The following KLHL1 variants were observed in gnomAD, a reference collection of about 807,000 sequenced individuals.
KLHL1 encodes the protein kelch like family member 1.
Under a neutral mutation model 77.7 loss-of-function variants are expected in KLHL1, and 47 were observed. The observed-to-expected ratio is 0.60, with a 90% CI of 0.48 to 0.77. The LOEUF is 0.77. Ranked by LOEUF, KLHL1 falls within the 30% of genes least tolerant of loss-of-function variation. KLHL1 has a pLI of 0.00. For missense variants in KLHL1, 925 were observed against 910.8 expected, an observed-to-expected ratio of 1.02 and a Z score of -0.20; for synonymous variants, 360 against 325.2, an observed-to-expected ratio of 1.11 and a Z score of -1.15.
intron 2 of KLHL1, among the ~76,000 whole-genome samples, chr13:69,969,844 G>A (rs1884326232): frequency 6.6e-6 from 1 of 152,074 alleles, no homozygotes; most frequent in Non-Finnish European, 1.5e-5. Flanking sequence ...AGAACCTGGA[G>A]TAAAACATGC....
chr13:69,811,767 A>C (rs983957455), intron 6 of KLHL1, among the ~76,000 whole-genome samples: 5 of 152,126 alleles, frequency 3.3e-5, no homozygotes, highest in African/African-American at 1.2e-4. Context: ...ATCATTTTTT[A>C]TTGAGTCTAT....
At position 69,977,317 on chromosome 13, in the gene KLHL1, A is replaced by C. The variant is rs1259755754; in HGVS notation, c.498-1515T>G. Among the ~76,000 whole-genome samples the C allele has an allele frequency of 2.6e-5, 4 of 152,110 alleles. No homozygotes were observed. The East Asian group carries it at 7.7e-4, about 29-fold the overall frequency. ...CATTGGTCTTTTAATATAGATAATA[A>C]GCTGGATAATTTCAAGTCATATGAA... is the stretch of plus-strand genomic sequence containing the variant. On this transcript the variant is annotated intron_variant, in intron 1 of 10. Coordinates refer to ENST00000377844, the MANE Select transcript of KLHL1 (RefSeq NM_020866.3).
At chr13:69,716,372 T>C (rs1191472939) in intron 9 of KLHL1, among the ~76,000 whole-genome samples, 1 of 151,998 alleles carries the variant, frequency 6.6e-6, no homozygotes, top group Non-Finnish European at 1.5e-5. Context: ...AAAGCTATCT[T>C]GGGCAGTATC....
At chr13:69,995,118 A>G (rs1434872520) in intron 1 of KLHL1, among the ~76,000 whole-genome samples, 1 of 152,118 alleles carries the variant, frequency 6.6e-6, no homozygotes, top group African/African-American at 2.4e-5. Context: ...TCATTTGATT[A>G]TGCATTATTT....
chr13:69,857,738 A>G (rs1879977517), intron 5 of KLHL1, among the ~76,000 whole-genome samples: 1 of 152,012 alleles, frequency 6.6e-6, no homozygotes, highest in Non-Finnish European at 1.5e-5. Context: ...GTAGAAAAAT[A>G]GTTAATATAA....
chr13:70,029,802 G>A (rs1886048994), intron 1 of KLHL1, among the ~76,000 whole-genome samples: 1 of 152,140 alleles, frequency 6.6e-6, no homozygotes. Flanking sequence ...AAAAGACACA[G>A]ACTGGCAAAT....
At chr13:69,943,003 T>A (rs2138306133) in intron 3 of KLHL1, among the ~76,000 whole-genome samples, 1 of 152,284 alleles carries the variant, frequency 6.6e-6, no homozygotes, top group Admixed American at 6.5e-5. Context: ...TAAATTTATG[T>A]TGGTGAAGAA....
intron 1 of KLHL1, among the ~76,000 whole-genome samples, chr13:70,084,494 C>G (rs893276712): frequency 1.0e-4 from 12 of 116,188 alleles, no homozygotes; most frequent in African/African-American, 4.2e-4. Flanking sequence ...GAGTCTCGCT[C>G]TGTCCCCAGG....
chr13:69,959,653 C>T (rs1278833045), intron 3 of KLHL1, among the ~76,000 whole-genome samples: 1 of 119,464 alleles, frequency 8.4e-6, no homozygotes, highest in Non-Finnish European at 1.9e-5. Context: ...TTTTACAACC[C>T]GTAACTTTTT....
At chr13:70,021,478 T>C (rs1415476925) in intron 1 of KLHL1, among the ~76,000 whole-genome samples, 1 of 152,112 alleles carries the variant, frequency 6.6e-6, no homozygotes, top group Non-Finnish European at 1.5e-5. Context: ...AACATACCTA[T>C]GCTGGTTCTT....
chr13:69,782,298 G>A (rs576307097), intron 7 of KLHL1, among the ~76,000 whole-genome samples: 109 of 152,356 alleles, frequency 7.2e-4, no homozygotes, highest in Middle Eastern at 6.8e-3. Context: ...TCACTAGGGA[G>A]TGCCAGACAG....
At chr13:69,741,240 T>G (rs982267090) in intron 7 of KLHL1, among the ~76,000 whole-genome samples, 4 of 152,150 alleles carry the variant, frequency 2.6e-5, no homozygotes, top group Non-Finnish European at 4.4e-5. Flanking sequence ...TCTAGTAAAC[T>G]CACATCTTCA....
chr13:69,757,534 C>CCAAAAT (rs1874805759), intron 7 of KLHL1, among the ~76,000 whole-genome samples: 1 of 152,166 alleles, frequency 6.6e-6, no homozygotes, highest in Non-Finnish European at 1.5e-5. Flanking sequence ...TTGGATGCTT[C>CCAAAAT]AGTGGCCCTC....
At chr13:69,907,896 G>A (rs1381466399) in intron 4 of KLHL1, among the ~76,000 whole-genome samples, 7 of 152,022 alleles carry the variant, frequency 4.6e-5, no homozygotes, top group African/African-American at 1.7e-4. Flanking sequence ...TTTCATACAT[G>A]GAAGTTACTT....
At chr13:69,996,910 A>ATTTTTTTTTTTTTTTTTTTTT (rs10549532) in intron 1 of KLHL1, among the ~76,000 whole-genome samples, 5 of 71,236 alleles carry the variant, frequency 7.0e-5, no homozygotes, top group African/African-American at 1.7e-4. Context: ...TATTCATTAA[A>ATTTTTTTTTTTTTTTTTTTTT]TTTTTTTTTT....
At chr13:69,846,758 A>G (rs1237336496) in intron 5 of KLHL1, among the ~76,000 whole-genome samples, 1 of 151,504 alleles carries the variant, frequency 6.6e-6, no homozygotes, top group African/African-American at 2.4e-5. Flanking sequence ...ATGTTTAGCA[A>G]CATTAAAGCA....
chr13:70,033,475 T>C (rs1886160707), intron 1 of KLHL1, among the ~76,000 whole-genome samples: 1 of 151,620 alleles, frequency 6.6e-6, no homozygotes, highest in South Asian at 2.1e-4. Context: ...TTTATTTTTA[T>C]TTTTTGTATT....
At chr13:69,752,373 C>A (rs965398746) in intron 7 of KLHL1, among the ~76,000 whole-genome samples, 1 of 152,030 alleles carries the variant, frequency 6.6e-6, no homozygotes, top group African/African-American at 2.4e-5. Context: ...CCAGAATCTT[C>A]CACAAATATT....
intron 7 of KLHL1, among the ~76,000 whole-genome samples, chr13:69,777,486 G>A (rs933197562): frequency 2.0e-5 from 3 of 151,904 alleles, no homozygotes; most frequent in Non-Finnish European, 2.9e-5. Flanking sequence ...TACTGCAAAA[G>A]GATATTTTTC....
Sources: allele counts gnomAD v4.1 joint callset (sites outside exome capture counted in the v4.1 genomes callset), GRCh38; gene constraint gnomAD v4.1.1; transcripts MANE v1.5; gene names NCBI Gene and HGNC (gene_info 2026-07-23, HGNC 2026-07-21).